Variants in ADAMTS2 observed in about 807,000 individuals in gnomAD.
ADAMTS2 encodes the protein ADAM metallopeptidase with thrombospondin type 1 motif 2.
Under a neutral mutation model 123.0 loss-of-function variants are expected in ADAMTS2, and 50 were observed. The observed-to-expected ratio is 0.41, with a 90% CI of 0.32 to 0.51. ADAMTS2 has a LOEUF of 0.51. Among genes scored for constraint, ADAMTS2 ranks in the 20% least tolerant of loss-of-function variants. ADAMTS2 has a pLI of 0.35. For synonymous variants in ADAMTS2, 678 were observed against 695.4 expected (o/e 0.98, Z 0.39); for missense variants, 1,494 against 1,705.2 (o/e 0.88, Z 2.18).
chr5:179,236,293 C>T (rs1765527046), intron 3 of ADAMTS2, among the ~76,000 whole-genome samples: 1 of 152,190 alleles, frequency 6.6e-6, no homozygotes, highest in African/African-American at 2.4e-5. Context: ...GACTTGTCTT[C>T]AGGTGCTTGG....
At chr5:179,194,771 T>C (rs73329705) in intron 4 of ADAMTS2, among the ~76,000 whole-genome samples, 2,540 of 152,186 alleles carry the variant, frequency 0.017, 83 homozygotes, top group African/African-American at 0.057. Context: ...AGGTCACAGG[T>C]GTGCCTCCTT....
At chr5:179,211,369 G>A (rs868285978) in intron 3 of ADAMTS2, among the ~76,000 whole-genome samples, 19 of 76,240 alleles carry the variant, frequency 2.5e-4, no homozygotes, top group African/African-American at 9.6e-4. Flanking sequence ...TGGGCCCCCT[G>A]GGGGTGCTGA....
chr5:179,271,955 G>T (rs1230900007), intron 3 of ADAMTS2, among the ~76,000 whole-genome samples: 1 of 152,192 alleles, frequency 6.6e-6, no homozygotes, highest in African/African-American at 2.4e-5. Context: ...TGAACGTGCA[G>T]GTGTGCCCGA....
At chr5:179,229,268 C>T (rs1264022793) in intron 3 of ADAMTS2, among the ~76,000 whole-genome samples, 4 of 151,882 alleles carry the variant, frequency 2.6e-5, no homozygotes, top group African/African-American at 7.3e-5. Flanking sequence ...CACGAGACCC[C>T]GCTGCCCACT....
rs1763459318 is a variant in ADAMTS2, at chr5:179,155,897, G to A, written c.1133-978C>T. On this transcript the variant is annotated intron_variant, in intron 6 of 21. Transcript: ENST00000251582. This position sits in a 1 kb window ranked among gnomAD's most constrained non-coding sequence, Gnocchi z 5.1. ...ACGCGTTCCACAGAGAAGGGAAGGA[G>A]GGCCACTGGGACCCCGGGTGAGCTG... Among the ~76,000 whole-genome samples the A allele has an allele frequency of 1.3e-5, 2 of 152,140 alleles. No individual in the cohort carries two copies. Among genetic ancestry groups the A allele is most frequent in the African/African-American group, 4.8e-5 (2 of 41,426 alleles).
rs544306798 is a variant in ADAMTS2, at chr5:179,292,285, C to A, written c.535-19221G>T. On this transcript the variant is annotated intron_variant, in intron 2 of 21. Transcript: ENST00000251582. ...CAAGAAGATATACAGCATCTCCACA[C>A]AAACAGGTTCCAAAGAGCCACACAT... Among the ~76,000 whole-genome samples, 157 of 151,544 alleles carry A rather than the reference C, an allele frequency of 1.0e-3. 2 individuals are homozygous for A. The highest frequency in any genetic ancestry group is 3.6e-3 in the African/African-American group (150 of 41,354).
intron 3 of ADAMTS2, among the ~76,000 whole-genome samples, chr5:179,267,304 C>T (rs923800905): frequency 6.6e-6 from 1 of 152,218 alleles, no homozygotes; most frequent in East Asian, 1.9e-4. Flanking sequence ...TGCCCAGTGC[C>T]GGCGCTTGTC....
intron 3 of ADAMTS2, among the ~76,000 whole-genome samples, chr5:179,238,652 A>G (rs1765590970): frequency 6.6e-6 from 1 of 152,158 alleles, no homozygotes; most frequent in South Asian, 2.1e-4. Flanking sequence ...TTTTGAAAAG[A>G]AGGGCAAGGA....
At position 179,256,283 on chromosome 5, in the gene ADAMTS2, C is replaced by T. The variant is rs1009337547; in HGVS notation, c.688+16628G>A. Among the ~76,000 whole-genome samples, 2 of 152,170 alleles carry T rather than the reference C, an allele frequency of 1.3e-5. No individual in the cohort carries two copies. The highest frequency in any genetic ancestry group is 2.9e-5 in the Non-Finnish European group (2 of 68,034). On this transcript the variant is annotated intron_variant, in intron 3 of 21. Transcript: ENST00000251582. This position sits in a 1 kb window ranked among gnomAD's most constrained non-coding sequence, Gnocchi z 4.1. Reference sequence around the variant, plus strand: ...CGCCCCTGGGGACACGGGTGCCCAACAGGAAAGAGGACGGGGGCTTATTAT... The same window carrying T: ...CGCCCCTGGGGACACGGGTGCCCAATAGGAAAGAGGACGGGGGCTTATTAT...
intron 2 of ADAMTS2, among the ~76,000 whole-genome samples, chr5:179,292,228 G>C (rs1235422819): frequency 6.6e-6 from 1 of 151,846 alleles, no homozygotes; most frequent in Non-Finnish European, 1.5e-5. Flanking sequence ...GCCACAACCA[G>C]CACTAAATAC....
rs1039843106 is a variant in ADAMTS2, at chr5:179,314,753, C to T, written c.534+29014G>A. 1.3e-5 allele frequency among the ~76,000 whole-genome samples: 2 copies of T among 152,128 alleles called. No individual in the cohort carries two copies. Among genetic ancestry groups the T allele is most frequent in the Non-Finnish European group, 2.9e-5 (2 of 68,022 alleles). ...TCCTGCACCCAGGTGGGGCTCCTGT[C>T]CCCCGCCAGTGCCCCCAACCTCTAC... On this transcript the variant is annotated intron_variant, in intron 2 of 21. Transcript: ENST00000251582. The surrounding 1 kb of genome is among the most constrained non-coding windows in gnomAD (Gnocchi z 4.5).
At chr5:179,191,677 C>G (rs894300204) in intron 4 of ADAMTS2, among the ~76,000 whole-genome samples, 1 of 152,114 alleles carries the variant, frequency 6.6e-6, no homozygotes, top group African/African-American at 2.4e-5. Context: ...GGCTTGGAGC[C>G]GGAGCCCTAT....
At chr5:179,239,438 G>A (rs552336776) in intron 3 of ADAMTS2, among the ~76,000 whole-genome samples, 4 of 152,260 alleles carry the variant, frequency 2.6e-5, no homozygotes, top group African/African-American at 9.6e-5. Flanking sequence ...GGGTGAGCGC[G>A]AGTTCAGTGA....
chr5:179,324,673 G>A (rs1442840896), intron 2 of ADAMTS2, among the ~76,000 whole-genome samples: 1 of 152,202 alleles, frequency 6.6e-6, no homozygotes, highest in Non-Finnish European at 1.5e-5. Flanking sequence ...TTATAGGCGT[G>A]AGGCACCATG....
chr5:179,157,960 T>G (rs12520286), intron 6 of ADAMTS2, among the ~76,000 whole-genome samples: 1,612 of 146,540 alleles, frequency 0.011, 9 homozygotes, highest in Middle Eastern at 0.021. Context: ...GTTTGTTTGG[T>G]TTTTTTTGTC....
chr5:179,222,955 C>G (rs1436857584), intron 3 of ADAMTS2, among the ~76,000 whole-genome samples: 1 of 152,222 alleles, frequency 6.6e-6, no homozygotes, highest in African/African-American at 2.4e-5. Flanking sequence ...AACCCCTCCC[C>G]CTGCTTCCAG....
chr5:179,223,690 ACG>A (rs1328042606), intron 3 of ADAMTS2, among the ~76,000 whole-genome samples: 2 of 150,420 alleles, frequency 1.3e-5, no homozygotes, highest in Non-Finnish European at 3.0e-5. Flanking sequence ...ACTCACACAC[ACG>A]AATGCTCTTA....
At chr5:179,276,093 T>A (rs1037439656) in intron 2 of ADAMTS2, among the ~76,000 whole-genome samples, 2 of 152,052 alleles carry the variant, frequency 1.3e-5, no homozygotes, top group African/African-American at 4.8e-5. Context: ...CGCTTCTGAC[T>A]CATCCCTGGG....
chr5:179,124,920 C>G, intron 19 of ADAMTS2, 53 bp downstream of exon 19: 1 of 1,598,262 alleles, frequency 6.3e-7, no homozygotes, highest in East Asian at 2.3e-5. Context: ...CACCTGCATG[C>G]CTGTCCACCC....
Sources: allele counts gnomAD v4.1 joint callset (sites outside exome capture counted in the v4.1 genomes callset), GRCh38; gene constraint gnomAD v4.1.1; non-coding constraint Gnocchi (gnomAD v3.1); transcripts MANE v1.5; gene names NCBI Gene and HGNC (gene_info 2026-07-23, HGNC 2026-07-21).